The following ADARB2 variants were observed in gnomAD, a reference collection of about 807,000 sequenced individuals.
ADARB2 encodes the protein adenosine deaminase RNA specific B2 (inactive), also known as inactive double-stranded RNA-specific editase B2.
ADARB2 carries 25 observed loss-of-function variants against 62.2 expected under a neutral mutation model. That is an observed-to-expected ratio of 0.40 (90% CI 0.29 to 0.56). The LOEUF (loss-of-function observed/expected upper bound fraction) is 0.56. Ranked by LOEUF, ADARB2 falls within the 20% of genes least tolerant of loss-of-function variation. The pLI, the probability that ADARB2 is intolerant of heterozygous loss-of-function variation, is 0.43. For synonymous variants in ADARB2, 572 were observed against 500.8 expected, an observed-to-expected ratio of 1.14 and a Z score of -1.90; for missense variants, 1,071 against 1,077.4, an observed-to-expected ratio of 0.99 and a Z score of 0.08.
intron 1 of ADARB2, among the ~76,000 whole-genome samples, chr10:1,703,973 G>A (rs1381078168): frequency 2.0e-5 from 3 of 152,234 alleles, no homozygotes; most frequent in African/African-American, 7.2e-5. Flanking sequence ...AGCCGTGATT[G>A]ATTTTAGTTT....
At chr10:1,696,319 T>C in intron 1 of ADARB2, among the ~76,000 whole-genome samples, 1 of 152,144 alleles carries the variant, frequency 6.6e-6, no homozygotes, top group Non-Finnish European at 1.5e-5. Context: ...TGTGTGCACG[T>C]GTGTTTTGTG....
At chr10:1,588,909 T>C (rs1833212870) in intron 1 of ADARB2, among the ~76,000 whole-genome samples, 1 of 152,180 alleles carries the variant, frequency 6.6e-6, no homozygotes, top group African/African-American at 2.4e-5. Context: ...GAGGCCTGGC[T>C]GGCTTTGTTC....
At chr10:1,476,754 G>T (rs186974884) in intron 1 of ADARB2, among the ~76,000 whole-genome samples, 1 of 152,284 alleles carries the variant, frequency 6.6e-6, no homozygotes, top group East Asian at 1.9e-4. Flanking sequence ...TGCATCCAGG[G>T]AGGCAGAGGC....
rs553245817 is a variant in ADARB2, at chr10:1,289,613, T to C, written c.1078-18544A>G. ...ACTTTCTGAGGTGGAAAACCAGGCC[T>C]GGGCCTCCCACTGCCCACCTCCTGC... On this transcript the variant is annotated intron_variant, in intron 3 of 9. Coordinates refer to ENST00000381312, the MANE Select transcript of ADARB2 (RefSeq NM_018702.4). 3.9e-5 allele frequency among the ~76,000 whole-genome samples: 6 copies of C among 152,362 alleles called. No homozygotes were observed. The South Asian group carries it at 1.0e-3, about 26-fold the overall frequency.
chr10:1,569,431 T>G (rs1031752507), intron 1 of ADARB2, among the ~76,000 whole-genome samples: 3 of 152,214 alleles, frequency 2.0e-5, no homozygotes, highest in African/African-American at 7.2e-5. Context: ...GTAGAGAGGA[T>G]GGGCAGTTGG....
At position 1,368,401 on chromosome 10, in the gene ADARB2, C is replaced by T. The variant is rs139483760; in HGVS notation, c.188-4484G>A. On this transcript the variant is annotated intron_variant, in intron 2 of 9. Coordinates refer to ENST00000381312, the MANE Select transcript of ADARB2 (RefSeq NM_018702.4). ...AGACACTTCTCATCCTCCTCTCAGC[C>T]GCATCTCGCCCACCTTGCTTCTCTC... Among the ~76,000 whole-genome samples, 668 of 152,246 alleles carry T rather than the reference C, an allele frequency of 4.4e-3. 3 individuals are homozygous for T. Among genetic ancestry groups the T allele is most frequent in the African/African-American group, 0.015 (612 of 41,540 alleles).
chr10:1,448,844 C>A (rs1588261839), intron 1 of ADARB2, among the ~76,000 whole-genome samples: 1 of 152,108 alleles, frequency 6.6e-6, no homozygotes, highest in Non-Finnish European at 1.5e-5. Context: ...CATACCCCCC[C>A]AGAAGCCACC....
In ADARB2 at chr10:1,320,332, G is replaced by A. The variant is rs540268841; in HGVS notation, c.1077+42696C>T. On this transcript the variant is annotated intron_variant, in intron 3 of 9. Transcript: ENST00000381312. ...GTATGTGAATTTTAAAAGGGTGAAG[G>A]CAGTGATTTGTCCAACTAGATCATC... 3.9e-5 allele frequency among the ~76,000 whole-genome samples: 6 copies of A among 152,294 alleles called. No individual in the cohort carries two copies. The South Asian group carries it at 1.2e-3, about 32-fold the overall frequency.
chr10:1,289,476 G>C (rs1372402786), intron 3 of ADARB2, among the ~76,000 whole-genome samples: 1 of 150,236 alleles, frequency 6.7e-6, no homozygotes, highest in Non-Finnish European at 1.5e-5. Flanking sequence ...GGAAGAGGGA[G>C]GAGGAGGCCT....
chr10:1,640,949 T>C (rs1408811381), intron 1 of ADARB2, among the ~76,000 whole-genome samples: 1 of 152,184 alleles, frequency 6.6e-6, no homozygotes, highest in Non-Finnish European at 1.5e-5. Flanking sequence ...TGGCTACAAT[T>C]GCAAGATCCG....
chr10:1,733,777 G>T (rs1835263725), intron 1 of ADARB2, among the ~76,000 whole-genome samples: 2 of 151,972 alleles, frequency 1.3e-5, no homozygotes, highest in African/African-American at 2.4e-5. Context: ...TAATTACCAA[G>T]AACTATAAAA....
intron 1 of ADARB2, among the ~76,000 whole-genome samples, chr10:1,573,258 G>C (rs1349606974): frequency 6.6e-6 from 1 of 152,330 alleles, no homozygotes; most frequent in East Asian, 1.9e-4. Flanking sequence ...AGCTGGGAAA[G>C]GACAGCTTGG....
chr10:1,503,549 G>T (rs1323997501), intron 1 of ADARB2, among the ~76,000 whole-genome samples: 2 of 151,980 alleles, frequency 1.3e-5, no homozygotes, highest in African/African-American at 4.8e-5. Flanking sequence ...CCTTTATACA[G>T]CACGATATAG....
At chr10:1,672,107 C>A (rs1448663630) in intron 1 of ADARB2, among the ~76,000 whole-genome samples, 1 of 147,232 alleles carries the variant, frequency 6.8e-6, no homozygotes, top group Non-Finnish European at 1.5e-5. Context: ...TCAAGCAGAG[C>A]CCTACCCCAT....
In ADARB2 at chr10:1,593,600, C is replaced by T. The variant is rs535583747; in HGVS notation, c.100+143451G>A. 5.9e-5 allele frequency among the ~76,000 whole-genome samples: 9 copies of T among 152,300 alleles called. 1 individual carries two copies. Among genetic ancestry groups the T allele is most frequent in the Middle Eastern group, 3.4e-3 (1 of 294 alleles). ...CATTTCTGCGAAGTAGTAATAAGTG[C>T]GGGCTTAAAGAAGCAGAGAGTTCTG... On this transcript the variant is annotated intron_variant, in intron 1 of 9. Coordinates refer to ENST00000381312, the MANE Select transcript of ADARB2 (RefSeq NM_018702.4).
intron 1 of ADARB2, among the ~76,000 whole-genome samples, chr10:1,384,893 T>C (rs1832513001): frequency 6.6e-6 from 1 of 152,140 alleles, no homozygotes; most frequent in South Asian, 2.1e-4. Context: ...ACCTGCGAGC[T>C]GAATGAAAAT....
chr10:1,465,329 C>G (rs577879619), intron 1 of ADARB2, among the ~76,000 whole-genome samples: 2 of 152,166 alleles, frequency 1.3e-5, no homozygotes, highest in African/African-American at 4.8e-5. Flanking sequence ...AACCCAGCAC[C>G]GTGCACCAAA....
intron 1 of ADARB2, among the ~76,000 whole-genome samples, chr10:1,559,658 C>T (rs961744953): frequency 7.9e-5 from 12 of 152,132 alleles, no homozygotes; most frequent in South Asian, 6.2e-4. Flanking sequence ...AGGAACAGGG[C>T]GAGAATCACA....
chr10:1,390,690 A>G (rs982682939), intron 1 of ADARB2, among the ~76,000 whole-genome samples: 2 of 152,234 alleles, frequency 1.3e-5, no homozygotes, highest in African/African-American at 4.8e-5. Context: ...GCTCAAATAT[A>G]TTAAAAAGCC....
Sources: allele counts gnomAD v4.1 joint callset (sites outside exome capture counted in the v4.1 genomes callset), GRCh38; gene constraint gnomAD v4.1.1; transcripts MANE v1.5; gene names NCBI Gene and HGNC (gene_info 2026-07-23, HGNC 2026-07-21).